Variants in DMD observed in about 807,000 individuals in gnomAD.
DMD encodes the protein mutant dystrophin.
A neutral mutation model predicts 330.1 loss-of-function variants in DMD; 63 were observed. The observed-to-expected ratio is 0.19, with a 90% confidence interval of 0.16 to 0.24. The LOEUF (loss-of-function observed/expected upper bound fraction) is 0.24. Among genes scored for constraint, DMD ranks in the 10% least tolerant of loss-of-function variants. The pLI, the probability that DMD is intolerant of heterozygous loss-of-function variation, is 1.00. For missense variants in DMD, 3,344 were observed against 2,684.1 expected, an observed-to-expected ratio of 1.25 and a Z score of -5.43; for synonymous variants, 1,223 against 959.8, an observed-to-expected ratio of 1.27 and a Z score of -5.07.
chrX:32,894,874 A>T (rs891358180), intron 2 of DMD, among the ~76,000 whole-genome samples: 8 of 112,482 alleles, frequency 7.1e-5, no homozygotes, highest in African/African-American at 2.6e-4. Flanking sequence ...CAGGGACAAT[A>T]CAAGTGTCTT....
At chrX:32,786,432 G>A (rs1030985688) in intron 7 of DMD, among the ~76,000 whole-genome samples, 13 of 110,610 alleles carry the variant, frequency 1.2e-4, no homozygotes, top group African/African-American at 3.9e-4. Context: ...TTCATAACTG[G>A]TGAGTGTCTC....
At chrX:32,088,759 A>T (rs1438920722) in intron 44 of DMD, among the ~76,000 whole-genome samples, 1 of 110,219 alleles carries the variant, frequency 9.1e-6, no homozygotes, top group African/African-American at 3.3e-5. Context: ...AAATACTGCC[A>T]TGCACAATCA....
Position 31,728,167 on chromosome X carries a change from C to T in DMD, c.7660+1464G>A, listed in dbSNP as rs374763150. Among the ~76,000 whole-genome samples, 6 of 111,777 alleles carry T rather than the reference C, an allele frequency of 5.4e-5. No individual in the cohort carries two copies. The East Asian group carries it at 8.5e-4, about 16-fold the overall frequency. On this transcript the variant is annotated intron_variant, in intron 52 of 78. Coordinates refer to ENST00000357033, the MANE Select transcript of DMD (RefSeq NM_004006.3). Reference sequence around the variant, plus strand: ...CCTCCCAAGTAGCTGGGACTACAGGCGCCCGCCACCACGCCCGGCTAATTT... The same window carrying T: ...CCTCCCAAGTAGCTGGGACTACAGGTGCCCGCCACCACGCCCGGCTAATTT...
At chrX:32,155,945 A>AGT (rs775026800) in intron 44 of DMD, among the ~76,000 whole-genome samples, 3 of 101,150 alleles carry the variant, frequency 3.0e-5, no homozygotes, top group Non-Finnish European at 4.0e-5. Context: ...GGTTAATAAG[A>AGT]GTGTGTGTGT....
At chrX:32,414,012 C>G (rs367828970) in intron 29 of DMD, among the ~76,000 whole-genome samples, 2 of 111,375 alleles carry the variant, frequency 1.8e-5, no homozygotes, top group African/African-American at 3.3e-5. Context: ...TGAGACATTG[C>G]GCGCAGCCAA....
chrX:32,323,938 C>T (rs928028237), intron 41 of DMD, among the ~76,000 whole-genome samples: 12 of 110,856 alleles, frequency 1.1e-4, no homozygotes, highest in Non-Finnish European at 2.3e-4. Context: ...TAAGATCAAG[C>T]ACGTATTGGT....
chrX:32,509,198 A>G (rs1342867516), intron 18 of DMD, among the ~76,000 whole-genome samples: 45 of 108,561 alleles, frequency 4.1e-4, no homozygotes, highest in Admixed American at 3.0e-3. Flanking sequence ...TTAAAAAAAA[A>G]AAAAAAAAAA....
chrX:31,688,010 T>C (rs927350799), intron 52 of DMD, among the ~76,000 whole-genome samples: 17 of 111,254 alleles, frequency 1.5e-4, no homozygotes, highest in African/African-American at 4.9e-4. Context: ...TTAAGGCCAA[T>C]AACTCTTAGA....
chrX:33,252,586 C>T (rs1219712127), intron 1 of DMD, among the ~76,000 whole-genome samples: 1 of 106,752 alleles, frequency 9.4e-6, no homozygotes, highest in Non-Finnish European at 1.9e-5. Flanking sequence ...CTAGTCCTCC[C>T]TGAGAATGTA....
At chrX:32,379,847 A>AAAACATGT (rs1388816358) in intron 34 of DMD, among the ~76,000 whole-genome samples, 1 of 111,259 alleles carries the variant, frequency 9.0e-6, no homozygotes, top group East Asian at 2.8e-4. Flanking sequence ...ATTTTGAGGT[A>AAAACATGT]AAACATGTTA....
chrX:32,822,327 T>G (rs2078328031), intron 5 of DMD, among the ~76,000 whole-genome samples: 1 of 110,864 alleles, frequency 9.0e-6, no homozygotes, highest in Non-Finnish European at 1.9e-5. Context: ...CAAATGCCAC[T>G]AAGATGGTAA....
rs1171543953 is a variant in DMD at position 32,312,941 on chromosome X, C to CAAAAAAAAAAAAAAAAAAAA, written c.5923-2666_5923-2665insTTTTTTTTTTTTTTTTTTTT. On this transcript the variant is annotated intron_variant, in intron 41 of 78. Transcript: ENST00000357033. ...AATTGAGGCAGTAATAGCCTACGAA[C>CAAAAAAAAAAAAAAAAAAAA]CAAAAAAAAAAAAAAAAAAAAAAGC... Among the ~76,000 whole-genome samples, 14 of 19,199 alleles carry CAAAAAAAAAAAAAAAAAAAA rather than the reference C, an allele frequency of 7.3e-4. 1 individual carries two copies. The highest frequency in any genetic ancestry group is 1.3e-3 in the Non-Finnish European group (12 of 9,326). 16.7% of individuals were successfully genotyped at this position (19,199 alleles called of 115,157 possible).
At chrX:32,335,430 G>A (rs2097700992) in intron 41 of DMD, among the ~76,000 whole-genome samples, 1 of 103,061 alleles carries the variant, frequency 9.7e-6, no homozygotes, top group Non-Finnish European at 2.0e-5. Context: ...GTATATATAT[G>A]TTATATATGG....
chrX:31,421,946 T>TATATATATATACAC (rs1569540430), intron 60 of DMD, among the ~76,000 whole-genome samples: 14 of 80,967 alleles, frequency 1.7e-4, no homozygotes, highest in African/African-American at 1.0e-3. Flanking sequence ...CACACACATA[T>TATATATATATACAC]ATATATATAT....
At chrX:32,126,048 G>A (rs959666341) in intron 44 of DMD, among the ~76,000 whole-genome samples, 1 of 111,979 alleles carries the variant, frequency 8.9e-6, no homozygotes, top group Non-Finnish European at 1.9e-5. Flanking sequence ...CCCTTCCTGA[G>A]TGTTAGCAAA....
intron 48 of DMD, among the ~76,000 whole-genome samples, chrX:31,845,159 G>A (rs1291940144): frequency 1.8e-5 from 2 of 110,382 alleles, no homozygotes; most frequent in African/African-American, 6.6e-5. Context: ...TAGGCAATGT[G>A]AGCACAGAAG....
chrX:32,725,642 A>G (rs193259967), intron 7 of DMD, among the ~76,000 whole-genome samples: 1 of 111,313 alleles, frequency 9.0e-6, no homozygotes, highest in Non-Finnish European at 1.9e-5. Flanking sequence ...AATAAAGCAA[A>G]TATTATTAGA....
chrX:31,890,378 GA>G (rs2094228666), intron 47 of DMD, among the ~76,000 whole-genome samples: 2 of 106,742 alleles, frequency 1.9e-5, no homozygotes, highest in African/African-American at 6.8e-5. Context: ...AAAAGAAGAA[GA>G]AAGAAAGAAA....
chrX:31,846,007 T>C (rs1477041036), intron 48 of DMD, among the ~76,000 whole-genome samples: 1 of 110,702 alleles, frequency 9.0e-6, no homozygotes, highest in African/African-American at 3.3e-5. Context: ...CAGAATTAGG[T>C]ATTCGCCTCC....
Sources: gnomAD v4.1 joint callset for allele counts (sites outside exome capture counted in the v4.1 genomes callset) on GRCh38, gnomAD v4.1.1 for gene constraint, MANE v1.5 for transcripts, NCBI Gene and HGNC (gene_info 2026-07-23, HGNC 2026-07-21) for gene names.